NRXN3: variants seen among roughly 807,000 people sequenced by gnomAD.
NRXN3 encodes neurexin III.
Under a neutral mutation model 137.6 loss-of-function variants are expected in NRXN3, and 32 were observed. That is an observed-to-expected ratio of 0.23 (90% CI 0.18 to 0.31). NRXN3 has a LOEUF of 0.31. NRXN3 is among the 10% of genes least tolerant of loss of function. The probability of loss-of-function intolerance (pLI) is 1.00; values close to 1 mark genes in which losing one functional copy is unlikely to be tolerated. For missense variants in NRXN3, 1,574 were observed against 2,062.5 expected (o/e 0.76, Z 4.59); for synonymous variants, 798 against 784.5 (o/e 1.02, Z -0.29).
intron 15 of NRXN3, among the ~76,000 whole-genome samples, chr14:79,213,274 G>A (rs575455163): frequency 7.2e-5 from 11 of 152,266 alleles, no homozygotes; most frequent in African/African-American, 2.6e-4. Context: ...TAATGTGTAA[G>A]TGGGCCTTAT....
At chr14:79,484,366 G>C (rs1420885206) in intron 16 of NRXN3, among the ~76,000 whole-genome samples, 2 of 152,044 alleles carry the variant, frequency 1.3e-5, no homozygotes, top group Non-Finnish European at 2.9e-5. Context: ...GTCAATATAA[G>C]GGCTTTAGAA....
At chr14:79,083,739 A>G (rs1185331716) in intron 15 of NRXN3, among the ~76,000 whole-genome samples, 1 of 152,232 alleles carries the variant, frequency 6.6e-6, no homozygotes, top group African/African-American at 2.4e-5. Context: ...TTGAAGGCAA[A>G]AATAAGTGAA....
intron 6 of NRXN3, among the ~76,000 whole-genome samples, chr14:78,666,748 T>C (rs1316712346): frequency 6.6e-6 from 1 of 152,198 alleles, no homozygotes; most frequent in Non-Finnish European, 1.5e-5. Flanking sequence ...GGTGTCATGA[T>C]GAGTCTTTCC....
intron 15 of NRXN3, among the ~76,000 whole-genome samples, chr14:79,193,678 TC>T (rs2064735763): frequency 6.6e-6 from 1 of 152,192 alleles, no homozygotes; most frequent in Non-Finnish European, 1.5e-5. Context: ...GCTTAAACTC[TC>T]ATTTCAATCA....
At chr14:78,642,713 A>C (rs980527761) in intron 4 of NRXN3, among the ~76,000 whole-genome samples, 1 of 152,222 alleles carries the variant, frequency 6.6e-6, no homozygotes, top group Non-Finnish European at 1.5e-5. Context: ...AGGTCTCCTG[A>C]GCAGGGCCTT....
chr14:79,519,418 T>C (rs1211097655), intron 16 of NRXN3, among the ~76,000 whole-genome samples: 2 of 152,108 alleles, frequency 1.3e-5, no homozygotes, highest in Non-Finnish European at 2.9e-5. Flanking sequence ...ATTCTCCTTT[T>C]CCCTATATGA....
At chr14:79,558,499 GT>G (rs2097454414) in intron 16 of NRXN3, among the ~76,000 whole-genome samples, 2 of 151,676 alleles carry the variant, frequency 1.3e-5, no homozygotes, top group South Asian at 2.1e-4. Flanking sequence ...GAGCTCTTGG[GT>G]GATTAGGTAC....
intron 15 of NRXN3, among the ~76,000 whole-genome samples, chr14:79,151,860 T>A (rs965744204): frequency 2.6e-5 from 4 of 152,066 alleles, no homozygotes; most frequent in African/African-American, 9.7e-5. Flanking sequence ...TAATTTGCAA[T>A]TTTTAAGTCA....
At chr14:79,328,845 T>G (rs1248153709) in intron 15 of NRXN3, among the ~76,000 whole-genome samples, 1 of 152,318 alleles carries the variant, frequency 6.6e-6, no homozygotes, top group East Asian at 1.9e-4. Flanking sequence ...TTTTATTTAT[T>G]TCACTTCTTG....
At chr14:79,604,137 C>T (rs774350823) in intron 16 of NRXN3, among the ~76,000 whole-genome samples, 20 of 151,956 alleles carry the variant, frequency 1.3e-4, no homozygotes, top group South Asian at 4.2e-4. Flanking sequence ...ATGATCTGCC[C>T]GCCTCGGCCT....
intron 15 of NRXN3, among the ~76,000 whole-genome samples, chr14:79,130,368 G>T (rs1472292978): frequency 2.0e-5 from 3 of 152,056 alleles, no homozygotes; most frequent in Non-Finnish European, 1.5e-5. Flanking sequence ...TTTTAGGGCA[G>T]GCCTGGTGGT....
At chr14:78,731,619 G>A (rs1484553022) in intron 8 of NRXN3, among the ~76,000 whole-genome samples, 1 of 150,872 alleles carries the variant, frequency 6.6e-6, no homozygotes, top group East Asian at 1.9e-4. Flanking sequence ...GTGTGTGTGT[G>A]TGTGTGTGTC....
chr14:78,424,365 C>A (rs1475455512), intron 4 of NRXN3, among the ~76,000 whole-genome samples: 2 of 152,180 alleles, frequency 1.3e-5, no homozygotes, highest in Non-Finnish European at 2.9e-5. Flanking sequence ...AATGTGAAAG[C>A]TATTCAGCCA....
chr14:79,075,530 C>T (rs1401342147), intron 15 of NRXN3, among the ~76,000 whole-genome samples: 1 of 152,084 alleles, frequency 6.6e-6, no homozygotes, highest in Non-Finnish European at 1.5e-5. Context: ...TTTATAAACT[C>T]TTTTTATTAC....
At chr14:78,974,300 T>C (rs1441748404) in intron 14 of NRXN3, among the ~76,000 whole-genome samples, 3 of 152,208 alleles carry the variant, frequency 2.0e-5, no homozygotes, top group Non-Finnish European at 4.4e-5. Flanking sequence ...GGACTGGATT[T>C]AGCGGATTAA....
At chr14:79,421,026 G>A (rs2164434) in intron 15 of NRXN3, among the ~76,000 whole-genome samples, 104,046 of 152,086 alleles carry the variant, frequency 0.68, 36,247 homozygotes, top group African/African-American at 0.81. Context: ...CTCCAGTGAC[G>A]TTTGGGCTTT....
intron 4 of NRXN3, among the ~76,000 whole-genome samples, chr14:78,510,421 C>T (rs2096081605): frequency 6.6e-6 from 1 of 151,996 alleles, no homozygotes; most frequent in Non-Finnish European, 1.5e-5. Flanking sequence ...CAGACTAATC[C>T]TCACTATTAA....
intron 10 of NRXN3, among the ~76,000 whole-genome samples, chr14:78,827,029 A>T (rs1385206803): frequency 6.6e-6 from 1 of 152,200 alleles, no homozygotes. Context: ...TGTTATCTTC[A>T]ATAGTTATCC....
chr14:79,466,099 A>G (rs569944200), intron 15 of NRXN3, among the ~76,000 whole-genome samples: 1 of 152,360 alleles, frequency 6.6e-6, no homozygotes, highest in South Asian at 2.1e-4. Context: ...ACACAAGTAA[A>G]GAGTAAACAT....
Sources: gnomAD v4.1 joint callset for allele counts (sites outside exome capture counted in the v4.1 genomes callset) on GRCh38, gnomAD v4.1.1 for gene constraint, MANE v1.5 for transcripts, NCBI Gene and HGNC (gene_info 2026-07-23, HGNC 2026-07-21) for gene names.